The following IMMP2L variants were observed in gnomAD, a reference collection of about 807,000 sequenced individuals.
IMMP2L encodes inner mitochondrial membrane peptidase subunit 2, also known as mitochondrial inner membrane protease subunit 2.
IMMP2L carries 18 observed loss-of-function variants against 19.3 expected under a neutral mutation model. The ratio of observed to expected loss-of-function variants is 0.93; its 90% CI spans 0.64 to 1.38. The LOEUF (loss-of-function observed/expected upper bound fraction) is 1.38, where lower values mean the gene tolerates loss of function less well. IMMP2L is among the 40% of genes most tolerant of loss of function. The pLI is 0.00. For synonymous variants in IMMP2L, 76 were observed against 73.0 expected (o/e 1.04, Z -0.21); for missense variants, 233 against 218.2 (o/e 1.07, Z -0.43).
intron 3 of IMMP2L, among the ~76,000 whole-genome samples, chr7:111,431,167 G>C (rs1037210897): frequency 1.3e-5 from 2 of 151,808 alleles, no homozygotes; most frequent in Non-Finnish European, 2.9e-5. Flanking sequence ...CTCCATCTCA[G>C]TAATAGGTAT....
intron 3 of IMMP2L, among the ~76,000 whole-genome samples, chr7:111,216,899 A>G (rs952027702): frequency 1.3e-5 from 2 of 152,040 alleles, no homozygotes; most frequent in African/African-American, 4.8e-5. Context: ...ATAAAATAAC[A>G]CCTTTGAAGG....
intron 3 of IMMP2L, among the ~76,000 whole-genome samples, chr7:111,084,052 A>G (rs1796102902): frequency 6.6e-6 from 1 of 152,182 alleles, no homozygotes; most frequent in African/African-American, 2.4e-5. Context: ...GGAAGGGAAG[A>G]ATGGACTAGA....
At chr7:111,539,166 A>C (rs1848190672) in intron 1 of IMMP2L, among the ~76,000 whole-genome samples, 1 of 61,948 alleles carries the variant, frequency 1.6e-5, no homozygotes, top group African/African-American at 7.9e-5. Context: ...GAAGGAAGGA[A>C]GGAAGGAAGG....
At chr7:111,068,540 G>C (rs1429487633) in intron 3 of IMMP2L, among the ~76,000 whole-genome samples, 3 of 152,122 alleles carry the variant, frequency 2.0e-5, no homozygotes, top group African/African-American at 7.2e-5. Context: ...AAGATGTAGG[G>C]TTTAAAATTT....
chr7:111,175,475 C>T (rs1231847854), intron 3 of IMMP2L, among the ~76,000 whole-genome samples: 2 of 151,564 alleles, frequency 1.3e-5, no homozygotes, highest in Non-Finnish European at 2.9e-5. Flanking sequence ...TATGTTTATG[C>T]AAAAATACAT....
intron 1 of IMMP2L, among the ~76,000 whole-genome samples, chr7:111,548,877 C>A (rs1307695543): frequency 6.6e-6 from 1 of 152,148 alleles, no homozygotes; most frequent in African/African-American, 2.4e-5. Flanking sequence ...TAGAATCTAG[C>A]ATTTTCTTCC....
At chr7:110,726,643 C>T (rs561924487) in intron 5 of IMMP2L, among the ~76,000 whole-genome samples, 7 of 152,344 alleles carry the variant, frequency 4.6e-5, no homozygotes, top group Admixed American at 1.3e-4. Flanking sequence ...TAGGAGATCT[C>T]TTTCCTCACC....
At chr7:110,864,295 A>G (rs1444261949) in intron 5 of IMMP2L, among the ~76,000 whole-genome samples, 1 of 152,108 alleles carries the variant, frequency 6.6e-6, no homozygotes, top group African/African-American at 2.4e-5. Flanking sequence ...TTAAAACAAC[A>G]GTAGAAATGG....
At chr7:110,831,894 TG>T (rs1363808384) in intron 5 of IMMP2L, among the ~76,000 whole-genome samples, 1 of 152,122 alleles carries the variant, frequency 6.6e-6, no homozygotes, top group African/African-American at 2.4e-5. Flanking sequence ...GAGGCTTCGG[TG>T]AAAGTCCCTA....
intron 3 of IMMP2L, among the ~76,000 whole-genome samples, chr7:111,003,556 G>C (rs1823953181): frequency 6.6e-6 from 1 of 151,812 alleles, no homozygotes; most frequent in South Asian, 2.1e-4. Context: ...CTGTTGCCCA[G>C]GCTGGAGTGC....
At chr7:111,008,681 G>A (rs1250461870) in intron 3 of IMMP2L, among the ~76,000 whole-genome samples, 1 of 151,782 alleles carries the variant, frequency 6.6e-6, no homozygotes. Context: ...ATGCTGACAG[G>A]AACCTTAGTC....
intron 5 of IMMP2L, among the ~76,000 whole-genome samples, chr7:110,865,008 G>A (rs986200132): frequency 3.3e-5 from 5 of 150,316 alleles, no homozygotes; most frequent in African/African-American, 1.3e-4. Context: ...CCACTGTCAT[G>A]CTAGCTACCT....
Position 110,834,359 on chromosome 7 carries a change from A to AGTGTGT in IMMP2L, c.408+52228_408+52233dup, listed in dbSNP as rs59237816. On this transcript the variant is annotated intron_variant, in intron 5 of 5. Transcript: ENST00000405709. ...CTGGTCATATTAACACAAAGTTAAG[A>AGTGTGT]GTGTGTGTGTGTGTGTGTTATATGC... is the stretch of plus-strand genomic sequence containing the variant. Among the ~76,000 whole-genome samples the AGTGTGT allele has an allele frequency of 6.0e-3, 899 of 150,354 alleles. 6 individuals are homozygous for AGTGTGT. The highest frequency in any genetic ancestry group is 9.7e-3 in the Non-Finnish European group (655 of 67,624).
rs150547753 is a variant in IMMP2L at position 110,934,220 on chromosome 7, C to G, written c.305+29280G>C. On this transcript the variant is annotated intron_variant, in intron 4 of 5. Transcript: ENST00000405709. ...TCTGAGAGACTGCTTGTTATGATTT[C>G]TATTCTTTTGCATTTGCTGAGGAGT... 3.9e-3 allele frequency among the ~76,000 whole-genome samples: 593 copies of G among 152,192 alleles called. 5 individuals are homozygous for G. Among genetic ancestry groups the G allele is most frequent in the African/African-American group, 0.014 (570 of 41,530 alleles).
chr7:110,666,866 G>A (rs1029109965), intron 5 of IMMP2L, among the ~76,000 whole-genome samples: 5 of 152,146 alleles, frequency 3.3e-5, no homozygotes, highest in Non-Finnish European at 7.3e-5. Flanking sequence ...AGATGTCTGT[G>A]TAATTATTTT....
chr7:111,234,956 T>C (rs566632178), intron 3 of IMMP2L, among the ~76,000 whole-genome samples: 3 of 152,274 alleles, frequency 2.0e-5, no homozygotes, highest in Admixed American at 1.3e-4. Flanking sequence ...CAAATAACTT[T>C]AAAAGAGTCT....
At chr7:111,491,415 A>G (rs1484287429) in intron 2 of IMMP2L, among the ~76,000 whole-genome samples, 2 of 152,090 alleles carry the variant, frequency 1.3e-5, no homozygotes, top group Non-Finnish European at 2.9e-5. Flanking sequence ...TGGTAAGATC[A>G]TTCATTTAAA....
At chr7:111,527,583 G>A (rs1343831721) in intron 1 of IMMP2L, among the ~76,000 whole-genome samples, 1 of 152,002 alleles carries the variant, frequency 6.6e-6, no homozygotes, top group African/African-American at 2.4e-5. Flanking sequence ...TGCCTTTATG[G>A]TTTGAGACTT....
At chr7:111,361,929 A>G (rs895835211) in intron 3 of IMMP2L, among the ~76,000 whole-genome samples, 3 of 152,020 alleles carry the variant, frequency 2.0e-5, no homozygotes, top group Non-Finnish European at 2.9e-5. Flanking sequence ...TTTTTCTCTC[A>G]TATTCCTAAA....
Sources: allele counts gnomAD v4.1 joint callset (sites outside exome capture counted in the v4.1 genomes callset), GRCh38; gene constraint gnomAD v4.1.1; transcripts MANE v1.5; gene names NCBI Gene and HGNC (gene_info 2026-07-23, HGNC 2026-07-21).